ANO2: variants seen among roughly 807,000 people sequenced by gnomAD.
The protein encoded by ANO2 is anoctamin 2, also known as anoctamin-2.
ANO2 carries 101 observed loss-of-function variants against 124.2 expected under a neutral mutation model. The observed-to-expected ratio is 0.81, with a 90% CI of 0.69 to 0.96. ANO2 has a LOEUF of 0.96. ANO2 is among the 40% of genes least tolerant of loss of function. The pLI is 0.00. For missense variants in ANO2, 1,293 were observed against 1,274.5 expected (o/e 1.01, Z -0.22); for synonymous variants, 486 against 482.5 (o/e 1.01, Z -0.09).
chr12:5,808,775 C>T lies in ANO2; in HGVS notation c.893-1407G>A, dbSNP rs1953286926. ...TTAAAATTCATGGCTTCCCACCTCC[C>T]GCTCTTACCCAATGCCCCACCCACA... On this transcript the variant is annotated intron_variant, in intron 7 of 24. Transcript: ENST00000682330. Among the ~76,000 whole-genome samples, 3 of 152,180 alleles carry T rather than the reference C, an allele frequency of 2.0e-5. No individual in the cohort carries two copies. In the South Asian group the frequency reaches 6.2e-4, roughly 32 times the overall value.
intron 10 of ANO2, among the ~76,000 whole-genome samples, chr12:5,753,642 TC>T (rs1466055882): frequency 1.3e-5 from 2 of 152,242 alleles, no homozygotes; most frequent in Non-Finnish European, 2.9e-5. Flanking sequence ...GGTATTTTAT[TC>T]TTTTTGGTGC....
At chr12:5,851,324 C>T (rs1300624035) in intron 4 of ANO2, among the ~76,000 whole-genome samples, 2 of 152,070 alleles carry the variant, frequency 1.3e-5, no homozygotes, top group African/African-American at 4.8e-5. Context: ...CCAGAGGGAC[C>T]AAAGGCAAGC....
chr12:5,694,251 C>CAGAGAGAGAGAGAGAGAGAGAGAGAGAG (rs5796182), intron 14 of ANO2, among the ~76,000 whole-genome samples: 73 of 133,946 alleles, frequency 5.4e-4, no homozygotes, highest in Middle Eastern at 7.5e-3. Flanking sequence ...TTACCAGAGA[C>CAGAGAGAGAGAGAGAGAGAGAGAGAGAG]AGAGAGAGAG....
intron 14 of ANO2, among the ~76,000 whole-genome samples, chr12:5,716,351 G>A (rs1329068782): frequency 6.6e-6 from 1 of 152,172 alleles, no homozygotes; most frequent in East Asian, 1.9e-4. Context: ...GCTGCAGTGT[G>A]GCCCCTGGCT....
intron 4 of ANO2, among the ~76,000 whole-genome samples, chr12:5,853,641 G>T (rs1224655307): frequency 1.3e-5 from 2 of 152,168 alleles, no homozygotes; most frequent in Non-Finnish European, 2.9e-5. Flanking sequence ...CAGCAAATTG[G>T]TGTTGTTTCC....
chr12:5,748,154 C>T (rs759649701), intron 11 of ANO2, among the ~76,000 whole-genome samples: 10 of 152,208 alleles, frequency 6.6e-5, no homozygotes, highest in Non-Finnish European at 1.5e-4. Flanking sequence ...TGTGCATAGA[C>T]GTCTATCGTT....
Position 5,742,960 on chromosome 12 carries a change from C to A in ANO2, c.1351+1197G>T, listed in dbSNP as rs554207581. On this transcript the variant is annotated intron_variant, in intron 12 of 24. Transcript: ENST00000682330. ...CTGCTCCAGCTCTCGATGGGCTGAA[C>A]ACTGCCCGTGTGCTCCCGGGACGCA... Among the ~76,000 whole-genome samples, 21 of 152,190 alleles carry A rather than the reference C, an allele frequency of 1.4e-4. No individual in the cohort carries two copies. The East Asian group carries it at 3.1e-3, about 22-fold the overall frequency.
At chr12:5,901,033 G>A (rs12316435) in intron 3 of ANO2, among the ~76,000 whole-genome samples, 8 of 152,082 alleles carry the variant, frequency 5.3e-5, no homozygotes, top group East Asian at 1.9e-4. Flanking sequence ...GATTCTCCTC[G>A]TCCCATTCCC....
intron 13 of ANO2, chr12:5,733,244 A>G: frequency 2.7e-6 from 1 of 366,564 alleles, no homozygotes; most frequent in Non-Finnish European, 5.2e-6. Context: ...GGCAAGTAAC[A>G]GCAATGCTCA....
intron 1 of ANO2, among the ~76,000 whole-genome samples, chr12:5,923,072 ATG>A (rs1383342955): frequency 7.1e-5 from 5 of 70,362 alleles, no homozygotes; most frequent in African/African-American, 8.7e-5. Flanking sequence ...ACACACACAC[ATG>A]CACACATACA....
chr12:5,857,779 T>C lies in ANO2; in HGVS notation c.535-3638A>G, dbSNP rs76239835. 1.6e-3 allele frequency among the ~76,000 whole-genome samples: 209 copies of C among 128,992 alleles called. 2 individuals carry two copies. Among genetic ancestry groups the C allele is most frequent in the African/African-American group, 5.8e-3 (163 of 27,916 alleles). The allele number at this position is 128,992 out of a possible 152,430, so 84.6% of individuals were successfully genotyped here. A position where few individuals can be genotyped will look rare whatever the true frequency, so the allele number is the denominator to read the frequency against. On this transcript the variant is annotated intron_variant, in intron 3 of 24. Transcript: ENST00000682330. ...GAATGGATAAAAGAAATGTGATAGA[T>C]AGATAGATAGATAGATAGATAGATA...
chr12:5,648,993 T>A (rs1376337181), intron 14 of ANO2, among the ~76,000 whole-genome samples: 1 of 152,198 alleles, frequency 6.6e-6, no homozygotes, highest in African/African-American at 2.4e-5. Flanking sequence ...AAGATTTCTT[T>A]CTAAAAATCC....
chr12:5,747,204 AG>A (rs1951292500), intron 11 of ANO2, among the ~76,000 whole-genome samples: 1 of 152,246 alleles, frequency 6.6e-6, no homozygotes, highest in Non-Finnish European at 1.5e-5. Flanking sequence ...CAAAATAAAA[AG>A]GTTTTAAAAA....
chr12:5,943,359 C>T (rs1228907324), intron 1 of ANO2, among the ~76,000 whole-genome samples: 1 of 151,316 alleles, frequency 6.6e-6, no homozygotes, highest in Non-Finnish European at 1.5e-5. Flanking sequence ...TCTTTTGCAG[C>T]AAATTGGATG....
At chr12:5,619,332 T>C (rs1944993019) in intron 16 of ANO2, among the ~76,000 whole-genome samples, 1 of 152,174 alleles carries the variant, frequency 6.6e-6, no homozygotes, top group East Asian at 1.9e-4. Context: ...TTAATAGAAA[T>C]ATAGGTAGAC....
chr12:5,610,249 A>C (rs1379520116), intron 19 of ANO2, among the ~76,000 whole-genome samples: 1 of 126,122 alleles, frequency 7.9e-6, no homozygotes, highest in African/African-American at 3.1e-5. Flanking sequence ...ATAAATGCAT[A>C]TATTTATACA....
chr12:5,673,291 C>T (rs1948094722), intron 14 of ANO2, among the ~76,000 whole-genome samples: 1 of 152,148 alleles, frequency 6.6e-6, no homozygotes, highest in African/African-American at 2.4e-5. Context: ...CAGTGCAGAA[C>T]CAGAAGTGGA....
intron 10 of ANO2, among the ~76,000 whole-genome samples, chr12:5,795,848 T>C (rs1254693100): frequency 6.6e-6 from 1 of 152,164 alleles, no homozygotes; most frequent in African/African-American, 2.4e-5. Context: ...AAATAAGGGC[T>C]GTTTTCCTCC....
intron 10 of ANO2, among the ~76,000 whole-genome samples, chr12:5,773,394 G>A (rs1952141073): frequency 6.6e-6 from 1 of 152,242 alleles, no homozygotes; most frequent in South Asian, 2.1e-4. Flanking sequence ...ATGGATTGGG[G>A]AACTCAGCCT....
Sources: allele counts gnomAD v4.1 joint callset (sites outside exome capture counted in the v4.1 genomes callset), GRCh38; gene constraint gnomAD v4.1.1; transcripts MANE v1.5; gene names NCBI Gene and HGNC (gene_info 2026-07-23, HGNC 2026-07-21).